Variants in CSNK2A2IP observed in about 807,000 individuals in gnomAD.
CSNK2A2IP encodes the protein casein kinase II subunit alpha'-interacting protein.
the CSNK2A2IP span, among the ~76,000 whole-genome samples, chr3:88,371,912 C>T: frequency 6.6e-6 from 1 of 151,514 alleles, no homozygotes; most frequent in Non-Finnish European, 1.5e-5. Context: ...ATTCAAAGTG[C>T]TTAAAGAACA....
chr3:88,467,180 C>T, the CSNK2A2IP span: 1 of 400,726 alleles, frequency 2.5e-6, no homozygotes, highest in Non-Finnish European at 4.4e-6. Flanking sequence ...CAGCCACAAT[C>T]CCTGCTCCCA....
chr3:88,349,243 G>A, the CSNK2A2IP span, among the ~76,000 whole-genome samples: 2 of 151,920 alleles, frequency 1.3e-5, no homozygotes, highest in Non-Finnish European at 2.9e-5. Context: ...CCCAAGAAGT[G>A]TGCACTGTAC....
the CSNK2A2IP span, among the ~76,000 whole-genome samples, chr3:88,444,905 C>T: frequency 6.6e-6 from 1 of 152,256 alleles, no homozygotes; most frequent in African/African-American, 2.4e-5. Context: ...TTTCTAGAGA[C>T]CTGTGTATCA....
At chr3:88,394,696 C>G in the CSNK2A2IP span, among the ~76,000 whole-genome samples, 27 of 152,202 alleles carry the variant, frequency 1.8e-4, no homozygotes, top group African/African-American at 6.3e-4. Context: ...TCTAAGATGG[C>G]TAATGATATT....
At chr3:88,465,430 A>G in the CSNK2A2IP span, 1 of 1,231,568 alleles carries the variant, frequency 8.1e-7, no homozygotes, top group Non-Finnish European at 1.0e-6. Context: ...CTCAGCCAAT[A>G]CATTAACACA....
At chr3:88,416,392 A>C in the CSNK2A2IP span, among the ~76,000 whole-genome samples, 1 of 152,124 alleles carries the variant, frequency 6.6e-6, no homozygotes, top group Non-Finnish European at 1.5e-5. Flanking sequence ...TAGATTTTGC[A>C]TCTTTTTACA....
the CSNK2A2IP span, among the ~76,000 whole-genome samples, chr3:88,392,312 T>C: frequency 6.6e-5 from 10 of 152,154 alleles, no homozygotes; most frequent in Non-Finnish European, 8.8e-5. Context: ...TCAGGAGATA[T>C]ATGTGGTCTG....
chr3:88,339,391 T>G, the CSNK2A2IP span, among the ~76,000 whole-genome samples: 1 of 152,140 alleles, frequency 6.6e-6, no homozygotes, highest in African/African-American at 2.4e-5. Flanking sequence ...TTTTTATGGC[T>G]GAATAACATT....
At chr3:88,466,169 C>T in the CSNK2A2IP span, 5 of 1,231,644 alleles carry the variant, frequency 4.1e-6, no homozygotes, top group Non-Finnish European at 4.0e-6. Context: ...GCTCTTACCT[C>T]TCCATTACTT....
At chr3:88,389,890 A>G in the CSNK2A2IP span, among the ~76,000 whole-genome samples, 2 of 151,992 alleles carry the variant, frequency 1.3e-5, no homozygotes, top group South Asian at 2.1e-4. Flanking sequence ...TGTTCTATAA[A>G]AGTAATGGCT....
chr3:88,459,389 C>T, the CSNK2A2IP span, among the ~76,000 whole-genome samples: 24 of 152,158 alleles, frequency 1.6e-4, no homozygotes, highest in African/African-American at 5.5e-4. Context: ...TACGTATTTA[C>T]TCAGTAAGCA....
At chr3:88,357,031 T>C in the CSNK2A2IP span, among the ~76,000 whole-genome samples, 1 of 152,156 alleles carries the variant, frequency 6.6e-6, no homozygotes, top group Non-Finnish European at 1.5e-5. Flanking sequence ...AGTTGAATAG[T>C]TTGCAAATAT....
At chr3:88,414,075 A>G in the CSNK2A2IP span, among the ~76,000 whole-genome samples, 5 of 151,436 alleles carry the variant, frequency 3.3e-5, no homozygotes, top group African/African-American at 7.3e-5. Context: ...CTTTAGTACA[A>G]TATTTTACAA....
At chr3:88,449,868 T>TAGAGAGAGAGAGAG in the CSNK2A2IP span, among the ~76,000 whole-genome samples, 4 of 74,192 alleles carry the variant, frequency 5.4e-5, no homozygotes, top group Admixed American at 1.2e-4. Flanking sequence ...TATATATATA[T>TAGAGAGAGAGAGAG]ATATATAGAG....
the CSNK2A2IP span, among the ~76,000 whole-genome samples, chr3:88,355,273 G>A: frequency 6.6e-6 from 1 of 152,152 alleles, no homozygotes; most frequent in Non-Finnish European, 1.5e-5. Context: ...ATAAATAATA[G>A]AGGATAATTG....
At chr3:88,369,984 A>G in the CSNK2A2IP span, among the ~76,000 whole-genome samples, 1 of 151,888 alleles carries the variant, frequency 6.6e-6, no homozygotes, top group Non-Finnish European at 1.5e-5. Flanking sequence ...AGGCTGAAAA[A>G]GCAGCAACTG....
chr3:88,368,593 A>T, the CSNK2A2IP span, among the ~76,000 whole-genome samples: 3 of 152,066 alleles, frequency 2.0e-5, no homozygotes, highest in African/African-American at 7.2e-5. Flanking sequence ...ACAAGAAACA[A>T]ACAAACAAAA....
chr3:88,377,917 G>GTTC, the CSNK2A2IP span, among the ~76,000 whole-genome samples: 1 of 151,748 alleles, frequency 6.6e-6, no homozygotes, highest in Non-Finnish European at 1.5e-5. Context: ...AAAAAATTCA[G>GTTC]CCTTGTTTAA....
chr3:88,436,156 T>C, the CSNK2A2IP span, among the ~76,000 whole-genome samples: 1 of 152,070 alleles, frequency 6.6e-6, no homozygotes, highest in South Asian at 2.1e-4. Flanking sequence ...CAAGGTGAAA[T>C]ACATTATATT....
Sources: gnomAD v4.1 joint callset for allele counts (sites outside exome capture counted in the v4.1 genomes callset) on GRCh38, gnomAD v4.1.1 for gene constraint, MANE v1.5 for transcripts, NCBI Gene and HGNC (gene_info 2026-07-23, HGNC 2026-07-21) for gene names.